The following FKBP7 variants were observed in gnomAD, a reference collection of about 807,000 sequenced individuals.
FKBP7 encodes peptidyl-prolyl cis-trans isomerase FKBP7.
A neutral mutation model predicts 24.3 loss-of-function variants in FKBP7; 24 were observed. The observed-to-expected ratio is 0.99, with a 90% CI of 0.72 to 1.39. The LOEUF is 1.39. FKBP7 is among the 40% of genes most tolerant of loss of function. The pLI is 0.00. For missense variants in FKBP7, 257 were observed against 269.5 expected (o/e 0.95, Z 0.33); for synonymous variants, 98 against 92.8 (o/e 1.06, Z -0.32).
intron 3 of FKBP7, among the ~76,000 whole-genome samples, chr2:178,468,291 A>G (rs905342145): frequency 6.6e-6 from 1 of 152,178 alleles, no homozygotes; most frequent in African/African-American, 2.4e-5. Context: ...TTAGAATTCA[A>G]TAAATAGTAT....
Position 178,478,572 on chromosome 2 carries a change from G to A in FKBP7, c.-73C>T. 1.9e-6 allele frequency: 3 copies of A among 1,590,006 alleles called. No homozygotes were observed. Among genetic ancestry groups the A allele is most frequent in the Admixed American group, 1.7e-5 (1 of 57,728 alleles). On this transcript the variant is annotated 5_prime_UTR_variant, in exon 1 of 4. Coordinates refer to ENST00000424785, the MANE Select transcript of FKBP7 (RefSeq NM_181342.3). ...CGTGGATGTCCCGCGGCCGAGTTCC[G>A]ACGCGTGGCAGGCGTTGTCCTGCGT...
chr2:178,466,080 T>TTTTC, intron 3 of FKBP7, 149 bp from the exon 4 acceptor site: 1 of 670,850 alleles, frequency 1.5e-6, no homozygotes. Flanking sequence ...GAGGTTTTAT[T>TTTTC]TTTCTTATTC....
At position 178,465,723 on chromosome 2, in the gene FKBP7, T is replaced by TAA; in HGVS notation, c.*45_*46dup. ...GAGAAAAGTGACTTTGTTTTATACA[T>TAA]AAAGTACAGTAAATAGCTAAAAAAA... On this transcript the variant is annotated 3_prime_UTR_variant, in exon 4 of 4. Coordinates refer to ENST00000424785, the MANE Select transcript of FKBP7 (RefSeq NM_181342.3). 1 of 1,466,146 alleles carries TAA rather than the reference T, an allele frequency of 6.8e-7. No homozygotes were observed. Among genetic ancestry groups the TAA allele is most frequent in the Non-Finnish European group, 9.0e-7 (1 of 1,108,174 alleles). The allele number at this position is 1,466,146 out of a possible 1,614,324, so 90.8% of individuals were successfully genotyped here. A position where few individuals can be genotyped will look rare whatever the true frequency, so the allele number is the denominator to read the frequency against.
chr2:178,469,754 C>A lies in FKBP7; in HGVS notation c.405G>T (p.Leu135Phe). Residue 135 changes from leucine (L) to phenylalanine (F), a missense_variant, in exon 3 of 4, where the codon TTG becomes TTT. By Grantham distance (22) the Leu-to-Phe change is conservative (BLOSUM62 0). Coordinates refer to ENST00000424785, the MANE Select transcript of FKBP7 (RefSeq NM_181342.3). The part of the protein sequence containing the change: ...AEGKIPPDAT[L>F]IFEIELYAVT... ...CAGCATAAAGTTCAATCTCAAAAAT[C>A]AATGTAGCATCCGGTGGAATCTTGC... The A allele has an allele frequency of 1.9e-6, 3 of 1,613,842 alleles. No homozygotes were observed. Among genetic ancestry groups the A allele is most frequent in the Non-Finnish European group, 2.5e-6 (3 of 1,179,936 alleles).
At chr2:178,472,078 G>GT (rs1005052995) in intron 2 of FKBP7, among the ~76,000 whole-genome samples, 6,514 of 135,296 alleles carry the variant, frequency 0.048, 244 homozygotes, top group African/African-American at 0.11. Flanking sequence ...TTTTCTTTTC[G>GT]TTTTTTTTTT....
chr2:178,477,234 T>G (rs1421168597), intron 1 of FKBP7, 21 bp from the exon 2 acceptor site: 1 of 1,601,388 alleles, frequency 6.2e-7, no homozygotes, highest in Non-Finnish European at 8.5e-7. Context: ...AAGCAATACT[T>G]AAGTAAACTG....
chr2:178,472,816 C>A (rs1335591882), intron 2 of FKBP7, among the ~76,000 whole-genome samples: 2 of 129,906 alleles, frequency 1.5e-5, no homozygotes, highest in African/African-American at 2.9e-5. Flanking sequence ...CACACCACTG[C>A]GCTCCAATCT....
At chr2:178,474,474 C>G (rs6734167) in intron 2 of FKBP7, among the ~76,000 whole-genome samples, 6 of 152,168 alleles carry the variant, frequency 3.9e-5, no homozygotes, top group African/African-American at 9.7e-5. Context: ...GACCCTGAGG[C>G]CTCCTTCCCA....
At chr2:178,477,970 A>G (rs1685058085) in intron 1 of FKBP7, among the ~76,000 whole-genome samples, 1 of 152,224 alleles carries the variant, frequency 6.6e-6, no homozygotes, top group South Asian at 2.1e-4. Flanking sequence ...AAAAATGTGA[A>G]CATCCTTATA....
At chr2:178,468,381 G>C (rs547056417) in intron 3 of FKBP7, among the ~76,000 whole-genome samples, 3 of 152,050 alleles carry the variant, frequency 2.0e-5, no homozygotes, top group Non-Finnish European at 4.4e-5. Context: ...GGCTGGGCAT[G>C]ATGGTTCACA....
intron 2 of FKBP7, among the ~76,000 whole-genome samples, chr2:178,471,926 A>C (rs1684857147): frequency 6.6e-6 from 1 of 152,150 alleles, no homozygotes; most frequent in African/African-American, 2.4e-5. Flanking sequence ...ATATTACCTG[A>C]CTTTAGAGTA....
At chr2:178,471,140 C>T (rs893244863) in intron 2 of FKBP7, among the ~76,000 whole-genome samples, 1 of 151,826 alleles carries the variant, frequency 6.6e-6, no homozygotes, top group African/African-American at 2.4e-5. Flanking sequence ...GCTAGGATTA[C>T]AGATGTGAGC....
chr2:178,474,159 T>G (rs1684935287), intron 2 of FKBP7, among the ~76,000 whole-genome samples: 1 of 152,180 alleles, frequency 6.6e-6, no homozygotes, highest in Admixed American at 6.5e-5. Context: ...AATATCTCAT[T>G]GTGGAAAATT....
chr2:178,473,226 C>A (rs1366198025), intron 2 of FKBP7: 2 of 549,468 alleles, frequency 3.6e-6, no homozygotes, highest in Non-Finnish European at 6.5e-6. Flanking sequence ...GTTTGTTAAA[C>A]AGTTACTTAA....
At chr2:178,472,877 T>A (rs1166332380) in intron 2 of FKBP7, among the ~76,000 whole-genome samples, 19 of 131,558 alleles carry the variant, frequency 1.4e-4, no homozygotes, top group South Asian at 2.4e-4. Flanking sequence ...AAAAAGGATA[T>A]ATTGCCAATT....
rs967086510 is a variant in FKBP7, at chr2:178,464,449, G to A, written c.*1321C>T. On this transcript the variant is annotated 3_prime_UTR_variant, in exon 4 of 4. Transcript: ENST00000424785. ...AGGAAGCTTACAATCATGGTGGAAGGCGGGGAAGCAAGGACTTTCTTCACA... is the reference window on the plus strand; with the variant it reads ...AGGAAGCTTACAATCATGGTGGAAGACGGGGAAGCAAGGACTTTCTTCACA... The A allele has an allele frequency of 1.3e-5, 2 of 152,228 alleles. No homozygotes were observed. Among genetic ancestry groups the A allele is most frequent in the African/African-American group, 4.8e-5 (2 of 41,444 alleles). 9.4% of individuals were successfully genotyped at this position (152,228 alleles called of 1,614,324 possible). A position where few individuals can be genotyped will look rare whatever the true frequency, so the allele number is the denominator to read the frequency against.
chr2:178,475,176 T>C (rs1180437420), intron 2 of FKBP7, among the ~76,000 whole-genome samples: 2 of 152,166 alleles, frequency 1.3e-5, no homozygotes, highest in Non-Finnish European at 2.9e-5. Flanking sequence ...TTCTTTTACA[T>C]ATACCTTTGT....
rs368700753 is a variant in FKBP7 at position 178,472,917 on chromosome 2, TA to T, written c.374-3133del. ...CTTTTTCTTGTTTTTTTTTTTTTTTTAAAAAAAACTAAAGTATAAAAATGAG... is the reference window on the plus strand; with the variant it reads ...CTTTTTCTTGTTTTTTTTTTTTTTTTAAAAAAACTAAAGTATAAAAATGAG... On this transcript the variant is annotated intron_variant, in intron 2 of 3. Transcript: ENST00000424785. 2,336 of 239,696 alleles carry T rather than the reference TA, an allele frequency of 9.7e-3. 10 individuals carry two copies. Among genetic ancestry groups the T allele is most frequent in the Non-Finnish European group, 0.013 (1,694 of 127,100 alleles). 14.8% of individuals were successfully genotyped at this position (239,696 alleles called of 1,614,324 possible).
chr2:178,474,156 C>G (rs916336431), intron 2 of FKBP7, among the ~76,000 whole-genome samples: 2 of 152,156 alleles, frequency 1.3e-5, no homozygotes, highest in Non-Finnish European at 2.9e-5. Context: ...GCCAATATCT[C>G]ATTGTGGAAA....
Sources: allele counts gnomAD v4.1 joint callset (sites outside exome capture counted in the v4.1 genomes callset), GRCh38; gene constraint gnomAD v4.1.1; transcripts MANE v1.5; gene names NCBI Gene and HGNC (gene_info 2026-07-23, HGNC 2026-07-21).